Variants in FAR2 observed in about 807,000 individuals in gnomAD.
The protein encoded by FAR2 is fatty acyl-CoA reductase 2, also known as epididymis secretory protein Li 81.
In FAR2, 19 loss-of-function variants were observed where a neutral mutation model predicts 56.0. The observed-to-expected ratio is 0.34, with a 90% CI of 0.24 to 0.50. FAR2 has a LOEUF of 0.50. FAR2 is among the 20% of genes least tolerant of loss of function. FAR2 has a pLI of 0.98. For missense variants in FAR2, 508 were observed against 642.2 expected (o/e 0.79, Z 2.26); for synonymous variants, 219 against 218.8 (o/e 1.00, Z -0.01).
chr12:29,203,317 G>A (rs1224065776), intron 1 of FAR2, among the ~76,000 whole-genome samples: 1 of 152,170 alleles, frequency 6.6e-6, no homozygotes, highest in East Asian at 1.9e-4. Context: ...CAGTGTAACT[G>A]CTTTGCATTT....
chr12:29,333,531 A>T (rs1019882347), intron 11 of FAR2, 101 bp from the exon 12 acceptor site: 24 of 1,117,348 alleles, frequency 2.1e-5, no homozygotes, highest in African/African-American at 6.2e-5. Context: ...GCACTTCATA[A>T]ATACTTGCCA....
At chr12:29,300,712 GTTC>G (rs1293757163) in intron 4 of FAR2, among the ~76,000 whole-genome samples, 1 of 152,052 alleles carries the variant, frequency 6.6e-6, no homozygotes, top group Non-Finnish European at 1.5e-5. Context: ...TAATTCAGCA[GTTC>G]TTATTTATTT....
At chr12:29,258,332 G>C (rs544400797) in intron 1 of FAR2, among the ~76,000 whole-genome samples, 23 of 152,242 alleles carry the variant, frequency 1.5e-4, no homozygotes, top group Admixed American at 6.5e-4. Context: ...TCCAGTCTGG[G>C]TGACAGAGCG....
At chr12:29,206,147 C>T (rs1268862445) in intron 1 of FAR2, among the ~76,000 whole-genome samples, 1 of 152,182 alleles carries the variant, frequency 6.6e-6, no homozygotes, top group Non-Finnish European at 1.5e-5. Flanking sequence ...GAGGACCACC[C>T]AAAGATCCAG....
At chr12:29,325,485 A>C (rs1401931087) in intron 10 of FAR2, among the ~76,000 whole-genome samples, 1 of 152,200 alleles carries the variant, frequency 6.6e-6, no homozygotes, top group Non-Finnish European at 1.5e-5. Context: ...TCCAAAATTG[A>C]CCACATAGTT....
At chr12:29,177,867 CA>C (rs940560766) in intron 1 of FAR2, among the ~76,000 whole-genome samples, 6 of 151,188 alleles carry the variant, frequency 4.0e-5, no homozygotes, top group Non-Finnish European at 8.8e-5. Context: ...ACAACAACAA[CA>C]AAAAACCTCA....
rs142131655 is a variant in FAR2, at chr12:29,210,572, G to T, written c.-38-59840G>T. Among the ~76,000 whole-genome samples the T allele has an allele frequency of 4.0e-3, 604 of 152,326 alleles. 5 individuals carry two copies. The highest frequency in any genetic ancestry group is 0.014 in the African/African-American group (578 of 41,570). ...GGCAATAAGAATAGATGAATATTCC[G>T]CAGTGACTTAGGCTTTCTGTTACAT... On this transcript the variant is annotated intron_variant, in intron 1 of 11. Coordinates refer to ENST00000536681, the MANE Select transcript of FAR2 (RefSeq NM_001271783.2).
chr12:29,162,023 T>C (rs1949785854), intron 1 of FAR2, among the ~76,000 whole-genome samples: 1 of 152,196 alleles, frequency 6.6e-6, no homozygotes, highest in African/African-American at 2.4e-5. Flanking sequence ...CTGGATACAA[T>C]TCCTTTGTTA....
At chr12:29,328,431 T>G (rs2136825478) in intron 10 of FAR2, among the ~76,000 whole-genome samples, 1 of 152,282 alleles carries the variant, frequency 6.6e-6, no homozygotes, top group Non-Finnish European at 1.5e-5. Context: ...TTATAAATCA[T>G]GCTGCTATAA....
chr12:29,188,347 A>T (rs887119300), intron 1 of FAR2, among the ~76,000 whole-genome samples: 2 of 151,990 alleles, frequency 1.3e-5, no homozygotes, highest in South Asian at 4.1e-4. Flanking sequence ...TTCTCATTTT[A>T]TGTTCATTTG....
intron 1 of FAR2, among the ~76,000 whole-genome samples, chr12:29,166,883 A>G (rs1949835265): frequency 6.6e-6 from 1 of 152,002 alleles, no homozygotes; most frequent in Non-Finnish European, 1.5e-5. Context: ...TAAACTCCCC[A>G]CGATCCCTGC....
chr12:29,258,296 A>G (rs7315346), intron 1 of FAR2, among the ~76,000 whole-genome samples: 101,100 of 151,922 alleles, frequency 0.67, 34,708 homozygotes, highest in African/African-American at 0.83. Flanking sequence ...CAGAGATTGC[A>G]GTGAGCCGAG....
At chr12:29,295,428 A>G (rs1401151509) in intron 3 of FAR2, among the ~76,000 whole-genome samples, 2 of 152,244 alleles carry the variant, frequency 1.3e-5, no homozygotes, top group African/African-American at 4.8e-5. Flanking sequence ...ATACTTCCTG[A>G]TTAAATTTAA....
At chr12:29,204,377 A>C (rs1241626061) in intron 1 of FAR2, among the ~76,000 whole-genome samples, 4 of 152,316 alleles carry the variant, frequency 2.6e-5, no homozygotes, top group African/African-American at 9.6e-5. Flanking sequence ...CCAAATTGCC[A>C]TAGGGAAGAT....
intron 4 of FAR2, among the ~76,000 whole-genome samples, chr12:29,303,742 C>G (rs764360523): frequency 5.3e-5 from 8 of 152,220 alleles, no homozygotes; most frequent in Non-Finnish European, 1.2e-4. Context: ...AAAGCTGATT[C>G]TAGCACTTGT....
At chr12:29,273,901 G>A (rs1211586380) in intron 2 of FAR2, among the ~76,000 whole-genome samples, 2 of 151,960 alleles carry the variant, frequency 1.3e-5, no homozygotes, top group Non-Finnish European at 1.5e-5. Flanking sequence ...ACTCCCCTTC[G>A]CCGTGTGGCT....
At chr12:29,321,659 A>T in intron 9 of FAR2, 136 bp from the exon 10 acceptor site, 1 of 1,005,328 alleles carries the variant, frequency 9.9e-7, no homozygotes, top group Non-Finnish European at 1.4e-6. Flanking sequence ...AAGGAGAAAA[A>T]AGAAGAAGAA....
intron 1 of FAR2, among the ~76,000 whole-genome samples, chr12:29,161,749 A>G (rs1949783988): frequency 6.6e-6 from 1 of 152,266 alleles, no homozygotes. Context: ...CAGCAGTGGT[A>G]GTCAAGAATT....
At chr12:29,330,056 CTTTT>C (rs10693997) in intron 10 of FAR2, among the ~76,000 whole-genome samples, 1 of 127,060 alleles carries the variant, frequency 7.9e-6, no homozygotes, top group Non-Finnish European at 1.6e-5. Flanking sequence ...ACATTTATGA[CTTTT>C]TTTTTTTTTT....
Sources: gnomAD v4.1 joint callset for allele counts (sites outside exome capture counted in the v4.1 genomes callset) on GRCh38, gnomAD v4.1.1 for gene constraint, MANE v1.5 for transcripts, NCBI Gene and HGNC (gene_info 2026-07-23, HGNC 2026-07-21) for gene names.